Variants in RGS7 observed in about 807,000 individuals in gnomAD.
RGS7 encodes the protein regulator of G protein signaling 7.
Under a neutral mutation model 81.1 loss-of-function variants are expected in RGS7, and 27 were observed. The observed-to-expected ratio is 0.33, with a 90% CI of 0.25 to 0.46. RGS7 has a LOEUF of 0.46. RGS7 is among the 20% of genes least tolerant of loss of function. RGS7 has a pLI of 1.00. For missense variants in RGS7, 396 were observed against 607.4 expected, an observed-to-expected ratio of 0.65 and a Z score of 3.66; for synonymous variants, 208 against 207.7, an observed-to-expected ratio of 1.00 and a Z score of -0.01.
intron 2 of RGS7, among the ~76,000 whole-genome samples, chr1:241,179,182 C>A (rs1385690039): frequency 1.3e-5 from 2 of 152,190 alleles, no homozygotes; most frequent in Non-Finnish European, 2.9e-5. Flanking sequence ...ACAACCTCCA[C>A]CTCCCGGGTT....
chr1:240,999,761 C>T (rs542071708), intron 3 of RGS7, among the ~76,000 whole-genome samples: 3 of 117,040 alleles, frequency 2.6e-5, no homozygotes, highest in East Asian at 5.6e-4. Context: ...CCACCACGCT[C>T]GGCTAATTTT....
intron 18 of RGS7, among the ~76,000 whole-genome samples, chr1:240,794,662 G>A (rs758279158): frequency 6.6e-6 from 1 of 152,178 alleles, no homozygotes; most frequent in Non-Finnish European, 1.5e-5. Flanking sequence ...TCCCAAACGT[G>A]CCAGGAATGG....
intron 18 of RGS7, among the ~76,000 whole-genome samples, chr1:240,792,808 G>A (rs1193877227): frequency 6.6e-6 from 1 of 152,190 alleles, no homozygotes; most frequent in Non-Finnish European, 1.5e-5. Context: ...CTTTTGCAAA[G>A]TATAAGCTTC....
intron 2 of RGS7, among the ~76,000 whole-genome samples, chr1:241,218,988 C>T (rs538939180): frequency 2.0e-5 from 3 of 152,180 alleles, no homozygotes; most frequent in African/African-American, 7.2e-5. Flanking sequence ...GGCAGCTTGC[C>T]AGCAGGAAAG....
intron 2 of RGS7, among the ~76,000 whole-genome samples, chr1:241,224,915 C>T (rs1020511183): frequency 1.3e-5 from 2 of 152,126 alleles, no homozygotes; most frequent in African/African-American, 4.8e-5. Flanking sequence ...TGACCTAGAC[C>T]CTACAAAAGT....
rs10926385 is a variant in RGS7, at chr1:240,954,925, A to G, written c.227-18219T>C. Reference sequence around the variant, plus strand: ...TTATAGGATACAAGCTCCATAAATAAAAGTTAATTGCTCTCTTATTTACCA... The same window carrying G: ...TTATAGGATACAAGCTCCATAAATAGAAGTTAATTGCTCTCTTATTTACCA... On this transcript the variant is annotated intron_variant, in intron 4 of 18. Coordinates refer to ENST00000440928, the MANE Select transcript of RGS7 (RefSeq NM_001364886.1). 6.6e-3 allele frequency among the ~76,000 whole-genome samples: 1,000 copies of G among 152,332 alleles called. 15 individuals carry two copies. Among genetic ancestry groups the G allele is most frequent in the African/African-American group, 0.022 (910 of 41,576 alleles).
chr1:241,259,746 G>A (rs2077237213), intron 2 of RGS7, among the ~76,000 whole-genome samples: 1 of 147,780 alleles, frequency 6.8e-6, no homozygotes, highest in South Asian at 2.1e-4. Flanking sequence ...ACATGTCCAG[G>A]ACAAAGCCTG....
intron 2 of RGS7, among the ~76,000 whole-genome samples, chr1:241,185,678 A>G (rs149197036): frequency 4.3e-4 from 66 of 152,296 alleles, no homozygotes; most frequent in African/African-American, 1.5e-3. Context: ...GCTCAATTAC[A>G]GAACAATAGC....
At position 241,012,018 on chromosome 1, in the gene RGS7, T is replaced by A. The variant is rs1267448415; in HGVS notation, c.176-28889A>T. ...CTTTGCGCTGTGGTCTTGCCCTGAATTCTTTCTTATGTGAGATCCAAGAAC... is the reference window on the plus strand; with the variant it reads ...CTTTGCGCTGTGGTCTTGCCCTGAAATCTTTCTTATGTGAGATCCAAGAAC... On this transcript the variant is annotated intron_variant, in intron 3 of 18. Coordinates refer to ENST00000440928, the MANE Select transcript of RGS7 (RefSeq NM_001364886.1). Among the ~76,000 whole-genome samples the A allele has an allele frequency of 4.6e-5, 7 of 152,268 alleles. 1 individual carries two copies. The South Asian group carries it at 1.0e-3, about 23-fold the overall frequency.
chr1:241,156,472 C>A (rs2069157711), intron 2 of RGS7, among the ~76,000 whole-genome samples: 1 of 151,068 alleles, frequency 6.6e-6, no homozygotes, highest in African/African-American at 2.4e-5. Flanking sequence ...TGCCACTGCA[C>A]TCCAGCCTGG....
chr1:241,353,813 G>A (rs1050094155), intron 2 of RGS7, among the ~76,000 whole-genome samples: 5 of 152,058 alleles, frequency 3.3e-5, no homozygotes, highest in Admixed American at 1.3e-4. Flanking sequence ...ATGGCGATTC[G>A]ATGCTATACA....
At chr1:241,183,761 G>A (rs1002951519) in intron 2 of RGS7, among the ~76,000 whole-genome samples, 1 of 152,204 alleles carries the variant, frequency 6.6e-6, no homozygotes, top group Non-Finnish European at 1.5e-5. Flanking sequence ...GTAAAACAGT[G>A]GAATGCACTG....
intron 3 of RGS7, among the ~76,000 whole-genome samples, chr1:241,040,665 T>C (rs2060569419): frequency 6.6e-6 from 1 of 152,098 alleles, no homozygotes; most frequent in Non-Finnish European, 1.5e-5. Flanking sequence ...TAATTTTGTA[T>C]TTTTAGTAGA....
At chr1:241,335,401 A>C (rs2082186623) in intron 2 of RGS7, among the ~76,000 whole-genome samples, 1 of 141,594 alleles carries the variant, frequency 7.1e-6, no homozygotes, top group Admixed American at 6.7e-5. Flanking sequence ...GGAATTGGAG[A>C]AAAAACAATT....
At chr1:241,165,476 T>C (rs1489402447) in intron 2 of RGS7, among the ~76,000 whole-genome samples, 2 of 151,992 alleles carry the variant, frequency 1.3e-5, no homozygotes, top group Non-Finnish European at 2.9e-5. Context: ...TCATGTCCTT[T>C]GTAGGGACAT....
chr1:241,336,180 C>G (rs2082237210), intron 2 of RGS7, among the ~76,000 whole-genome samples: 1 of 152,084 alleles, frequency 6.6e-6, no homozygotes, highest in African/African-American at 2.4e-5. Flanking sequence ...GATGGCACAT[C>G]AGATTCGCTT....
intron 3 of RGS7, among the ~76,000 whole-genome samples, chr1:241,018,839 T>C (rs2059402680): frequency 6.6e-6 from 1 of 152,154 alleles, no homozygotes; most frequent in Non-Finnish European, 1.5e-5. Context: ...TATACCCTGA[T>C]AATTAGGATT....
intron 6 of RGS7, among the ~76,000 whole-genome samples, chr1:240,907,984 C>T (rs1015253574): frequency 6.6e-6 from 1 of 151,840 alleles, no homozygotes; most frequent in Admixed American, 6.6e-5. Context: ...TTAATTTTCC[C>T]TTCCATTCTT....
intron 2 of RGS7, among the ~76,000 whole-genome samples, chr1:241,268,108 A>G (rs1303263685): frequency 6.6e-6 from 1 of 152,162 alleles, no homozygotes; most frequent in East Asian, 1.9e-4. Context: ...CTGGGCAGTG[A>G]GAGCTTTTTT....
Sources: gnomAD v4.1 joint callset for allele counts (sites outside exome capture counted in the v4.1 genomes callset) on GRCh38, gnomAD v4.1.1 for gene constraint, MANE v1.5 for transcripts, NCBI Gene and HGNC (gene_info 2026-07-23, HGNC 2026-07-21) for gene names.